ZSCAN25: variants seen among roughly 807,000 people sequenced by gnomAD.
ZSCAN25 encodes zinc finger and SCAN domain containing 25.
In ZSCAN25, 27 loss-of-function variants were observed where a neutral mutation model predicts 38.7. The ratio of observed to expected loss-of-function variants is 0.70; its 90% CI spans 0.51 to 0.96. ZSCAN25 has a LOEUF of 0.96. Among genes scored for constraint, ZSCAN25 ranks in the 40% least tolerant of loss-of-function variants. The pLI, the probability that ZSCAN25 is intolerant of heterozygous loss-of-function variation, is 0.00. For synonymous variants in ZSCAN25, 273 were observed against 277.7 expected, an observed-to-expected ratio of 0.98 and a Z score of 0.17; for missense variants, 637 against 705.9, an observed-to-expected ratio of 0.90 and a Z score of 1.11.
chr7:99,663,177 C>T, the ZSCAN25 span: 1 of 1,135,294 alleles, frequency 8.8e-7, no homozygotes, highest in Non-Finnish European at 1.1e-6. Context: ...CAAAGAGTTG[C>T]CGGTTCCATC....
rs568696932 is a variant in ZSCAN25, at chr7:99,629,688, G to A, written c.1303G>A (p.Asp435Asn). ...HTGEKPYKCGDCWKSFSRRQH... is the reference protein window; with the variant it reads ...HTGEKPYKCGNCWKSFSRRQH... ...TGGGGAGAAGCCCTACAAGTGCGGG[G>A]ACTGCTGGAAGAGCTTCAGCCGCAG... is the stretch of plus-strand genomic sequence containing the variant. The change falls in exon 8 of 8, where the codon GAC becomes AAC. Residue 435 changes from aspartate to asparagine, a missense_variant. Transcript: ENST00000394152. The surrounding 1 kb of genome is among the most constrained non-coding windows in gnomAD (Gnocchi z 5.6). 6 of 1,613,980 alleles carry A rather than the reference G, an allele frequency of 3.7e-6. No homozygotes were observed. In the African/African-American group the frequency reaches 5.3e-5, roughly 14 times the overall value.
chr7:99,666,990 A>C, the ZSCAN25 span: 2 of 1,614,014 alleles, frequency 1.2e-6, no homozygotes, highest in Non-Finnish European at 1.7e-6. Flanking sequence ...GGAGACAGCA[A>C]TGACCGTATT....
chr7:99,679,766 G>C, the ZSCAN25 span: 1 of 1,518,424 alleles, frequency 6.6e-7, no homozygotes, highest in African/African-American at 1.4e-5. Context: ...AAGGGAAAAG[G>C]GGCCCGATTA....
At chr7:99,655,143 A>C in the ZSCAN25 span, among the ~76,000 whole-genome samples, 2 of 152,182 alleles carry the variant, frequency 1.3e-5, no homozygotes, top group South Asian at 2.1e-4. Context: ...TTAGACATGA[A>C]GTCCTTGCCC....
the ZSCAN25 span, chr7:99,679,825 C>T: frequency 3.1e-6 from 5 of 1,614,122 alleles, no homozygotes; most frequent in South Asian, 3.3e-5. Flanking sequence ...CAGTTACTCA[C>T]AGATAGAGGA....
chr7:99,731,076 C>T, the ZSCAN25 span: 1 of 1,613,784 alleles, frequency 6.2e-7, no homozygotes, highest in Non-Finnish European at 8.5e-7. Context: ...AAGGACAAAG[C>T]ATTTCCCAAA....
At chr7:99,686,534 C>T in the ZSCAN25 span, among the ~76,000 whole-genome samples, 21 of 152,210 alleles carry the variant, frequency 1.4e-4, no homozygotes, top group South Asian at 4.1e-4. Context: ...GAGCCCACCA[C>T]GGCTCAAGGA....
chr7:99,631,990 G>A lies in ZSCAN25; in HGVS notation c.*1970G>A. 1 of 985,480 alleles carries A rather than the reference G, an allele frequency of 1.0e-6. No homozygotes were observed. The allele number at this position is 985,480 out of a possible 1,614,324, so 61.0% of individuals were successfully genotyped here. On this transcript the variant is annotated 3_prime_UTR_variant, in exon 8 of 8. Transcript: ENST00000394152. ...GCCTGAGTGTGGCCTTCCCCAGAGG[G>A]TGGTTTTCCAAAGGCAGGTGGGGAC...
At chr7:99,686,192 C>T in the ZSCAN25 span, among the ~76,000 whole-genome samples, 4 of 152,106 alleles carry the variant, frequency 2.6e-5, no homozygotes, top group East Asian at 3.8e-4. Context: ...GTGCACAAGC[C>T]GAAGCAGGGC....
intron 6 of ZSCAN25, among the ~76,000 whole-genome samples, chr7:99,623,310 G>T (rs1414358088): frequency 6.6e-6 from 1 of 152,196 alleles, no homozygotes; most frequent in Non-Finnish European, 1.5e-5. Context: ...ATTGAGCAGG[G>T]TGGTCTCTTT....
At chr7:99,685,148 C>T in the ZSCAN25 span, 1 of 1,601,448 alleles carries the variant, frequency 6.2e-7, no homozygotes, top group South Asian at 1.1e-5. Context: ...ATTCAGGTTC[C>T]ACTTACGGTC....
chr7:99,635,904 G>A (rs186669872), downstream of ZSCAN25, among the ~76,000 whole-genome samples: 758 of 152,060 alleles, frequency 5.0e-3, 3 homozygotes, highest in African/African-American at 0.017. Flanking sequence ...AAAATTAGCC[G>A]GGCGTGGTGG....
the ZSCAN25 span, chr7:99,676,208 T>G: frequency 6.2e-7 from 1 of 1,613,594 alleles, no homozygotes; most frequent in East Asian, 2.2e-5. Flanking sequence ...GGGTCCCATA[T>G]CTACAAAGTG....
the ZSCAN25 span, chr7:99,735,143 G>C: frequency 1.8e-3 from 2,965 of 1,605,798 alleles, 6 homozygotes; most frequent in Non-Finnish European, 2.4e-3. Context: ...TTTCAGCAGC[G>C]TGCTGCTGTT....
At chr7:99,736,454 A>T in the ZSCAN25 span, among the ~76,000 whole-genome samples, 3 of 152,328 alleles carry the variant, frequency 2.0e-5, no homozygotes, top group African/African-American at 7.2e-5. Flanking sequence ...GAGGCCTGTA[A>T]TAACAGTTGC....
At chr7:99,623,570 G>A (rs1349248267) in intron 6 of ZSCAN25, among the ~76,000 whole-genome samples, 1 of 152,248 alleles carries the variant, frequency 6.6e-6, no homozygotes, top group Non-Finnish European at 1.5e-5. Context: ...CCGTATTTGG[G>A]CAAGGCTGGA....
the ZSCAN25 span, chr7:99,677,149 A>G: frequency 2.4e-4 from 233 of 985,062 alleles, no homozygotes; most frequent in Non-Finnish European, 2.7e-4. Flanking sequence ...CCTGGAACTC[A>G]TCTTTCATGA....
intron 7 of ZSCAN25, among the ~76,000 whole-genome samples, chr7:99,626,548 A>G (rs1807487375): frequency 6.6e-6 from 1 of 152,130 alleles, no homozygotes; most frequent in African/African-American, 2.4e-5. Context: ...AGAGGGGAGG[A>G]AAGAGAAGAG....
At chr7:99,620,245 C>T in intron 4 of ZSCAN25, 1 of 509,138 alleles carries the variant, frequency 2.0e-6, no homozygotes, top group Non-Finnish European at 3.4e-6. Flanking sequence ...GGCCATATTT[C>T]CCTTGTGGGC....
Sources: allele counts gnomAD v4.1 joint callset (sites outside exome capture counted in the v4.1 genomes callset), GRCh38; gene constraint gnomAD v4.1.1; non-coding constraint Gnocchi (gnomAD v3.1); transcripts MANE v1.5; gene names NCBI Gene and HGNC (gene_info 2026-07-23, HGNC 2026-07-21).